EIF3L: variants seen among roughly 807,000 people sequenced by gnomAD.
EIF3L encodes eukaryotic translation initiation factor 3 subunit L.
EIF3L carries 32 observed loss-of-function variants against 74.6 expected under a neutral mutation model. That is an observed-to-expected ratio of 0.43 (90% CI 0.32 to 0.58). The LOEUF (loss-of-function observed/expected upper bound fraction) is 0.58, where lower values mean the gene tolerates loss of function less well. Ranked by LOEUF, EIF3L falls within the 20% of genes least tolerant of loss-of-function variation. The pLI is 0.06. For missense variants in EIF3L, 474 were observed against 707.8 expected, an observed-to-expected ratio of 0.67 and a Z score of 3.75; for synonymous variants, 256 against 254.4, an observed-to-expected ratio of 1.01 and a Z score of -0.06.
rs1601748411 is a variant in EIF3L at position 37,849,892 on chromosome 22, G to A, written c.34-123G>A. 3.9e-6 allele frequency: 4 copies of A among 1,034,018 alleles called. No homozygotes were observed. The East Asian group carries it at 9.5e-5, about 25-fold the overall frequency. The allele number at this position is 1,034,018 out of a possible 1,614,324, so 64.1% of individuals were successfully genotyped here. ...CTCTAAGGCGTGTGAGTTCCTCAAA[G>A]GCAGGCACAGTGTCTTATTCGCCTC... On this transcript the variant is annotated intron_variant, in intron 1 of 12. Transcript: ENST00000652021.
Position 37,888,747 on chromosome 22 carries a change from T to C in EIF3L, c.*283T>C. On this transcript the variant is annotated 3_prime_UTR_variant, in exon 13 of 13. Coordinates refer to ENST00000652021, the MANE Select transcript of EIF3L (RefSeq NM_016091.4). ...GTTAGTGTTTAAATTGAGTTATTTT[T>C]ATTTTGTGCTTTTGAGATGGAGTCT... The C allele has an allele frequency of 2.6e-6, 1 of 389,960 alleles. No homozygotes were observed. Among genetic ancestry groups the C allele is most frequent in the Non-Finnish European group, 4.6e-6 (1 of 216,998 alleles). The allele number at this position is 389,960 out of a possible 1,614,324, so 24.2% of individuals were successfully genotyped here.
chr22:37,879,138 T>C (rs1273009781), intron 11 of EIF3L: 2 of 152,066 alleles, frequency 1.3e-5, no homozygotes, highest in Non-Finnish European at 2.9e-5. Context: ...GAGACAGGGT[T>C]TTGCCATGTT....
chr22:37,866,988 T>C (rs1291641616), intron 7 of EIF3L, among the ~76,000 whole-genome samples: 2 of 152,204 alleles, frequency 1.3e-5, no homozygotes, highest in African/African-American at 4.8e-5. Context: ...CAATGGGCTG[T>C]ATCAAATTGT....
At chr22:37,850,113 T>C (rs1291317889) in intron 2 of EIF3L, 50 bp downstream of exon 2, 1 of 1,604,850 alleles carries the variant, frequency 6.2e-7, no homozygotes, top group Non-Finnish European at 8.5e-7. Flanking sequence ...TCAGTTCCTT[T>C]GGAATGTCTT....
At chr22:37,865,125 G>A (rs769048980) in intron 7 of EIF3L, among the ~76,000 whole-genome samples, 3 of 152,126 alleles carry the variant, frequency 2.0e-5, no homozygotes, top group Non-Finnish European at 4.4e-5. Context: ...TGGGGTCCAA[G>A]GCAGTAGGAT....
intron 8 of EIF3L, among the ~76,000 whole-genome samples, chr22:37,873,893 G>A (rs1926611256): frequency 6.6e-6 from 1 of 152,200 alleles, no homozygotes; most frequent in Non-Finnish European, 1.5e-5. Context: ...CAAATGCATG[G>A]CAAGAAGCAA....
At chr22:37,857,306 C>G (rs2145803461) in intron 4 of EIF3L, among the ~76,000 whole-genome samples, 1 of 128,338 alleles carries the variant, frequency 7.8e-6, no homozygotes, top group South Asian at 2.7e-4. Flanking sequence ...GGAGGCAGAA[C>G]TTGCAGTGAG....
At chr22:37,853,558 C>T (rs1243371885) in intron 3 of EIF3L, among the ~76,000 whole-genome samples, 1 of 152,158 alleles carries the variant, frequency 6.6e-6, no homozygotes, top group African/African-American at 2.4e-5. Flanking sequence ...TCACTTGAGC[C>T]TGGGAGGTTG....
At position 37,858,689 on chromosome 22, in the gene EIF3L, C is replaced by T. The variant is rs562553668; in HGVS notation, c.384C>T (p.Phe128=). The T allele has an allele frequency of 1.1e-5, 17 of 1,611,430 alleles. No homozygotes were observed. The South Asian group carries it at 1.9e-4, about 18-fold the overall frequency. ...TGCCATCTCTTTCAGATGCTGTCTTCCTGATTTTATACAAAGAATTATACT... is the reference window on the plus strand; with the variant it reads ...TGCCATCTCTTTCAGATGCTGTCTTTCTGATTTTATACAAAGAATTATACT... ...IAPQVGNDAV[F]LILYKELYYR... is the part of the protein sequence containing the mutation. The change falls in exon 5 of 13, where the codon TTC becomes TTT. Residue 128 remains phenylalanine, a synonymous_variant. Transcript: ENST00000652021.
chr22:37,869,666 G>A (rs1465568995), intron 7 of EIF3L, among the ~76,000 whole-genome samples: 4 of 152,100 alleles, frequency 2.6e-5, no homozygotes, highest in East Asian at 1.9e-4. Context: ...TTGGCCAGAC[G>A]ACTCTGGTTG....
At position 37,849,453 on chromosome 22, in the gene EIF3L, T is replaced by G; in HGVS notation, c.4T>G (p.Ser2Ala). The part of the protein sequence containing the change: M[S>A]YPADDYESEA... ...GGTGCTCGCAAGCGAGGCAGCCATG[T>G]CTTATCCCGCTGATGATTATGAGTC... The change falls in exon 1 of 13, where the codon TCT (serine) becomes GCT (alanine). Residue 2 changes from serine (S) to alanine (A), a missense_variant. Around this residue, in one of 4 missense-constraint regions of EIF3L, gnomAD observed 39 missense variants for 24.2 expected, o/e 1.61. Transcript: ENST00000652021. 3 of 1,613,188 alleles carry G rather than the reference T, an allele frequency of 1.9e-6. No homozygotes were observed. Among genetic ancestry groups the G allele is most frequent in the Non-Finnish European group, 2.5e-6 (3 of 1,179,514 alleles).
intron 4 of EIF3L, among the ~76,000 whole-genome samples, chr22:37,857,645 A>G (rs1353716469): frequency 6.6e-6 from 1 of 151,694 alleles, no homozygotes; most frequent in East Asian, 2.0e-4. Context: ...CCTGGGCTCA[A>G]GCAATTCTCC....
chr22:37,875,803 T>A lies in EIF3L; in HGVS notation c.907-38T>A, dbSNP rs1055377554. The stretch of plus-strand genomic sequence containing the variant: ...TACCTCTGGTTCTATCTAGGATGAA[T>A]TGGGACTCATGAATGTTTGTTCTAC... On this transcript the variant is annotated intron_variant, in intron 9 of 12. Coordinates refer to ENST00000652021, the MANE Select transcript of EIF3L (RefSeq NM_016091.4). 7 of 1,590,136 alleles carry A rather than the reference T, an allele frequency of 4.4e-6. No homozygotes were observed. In the Admixed American group the frequency reaches 6.7e-5, roughly 15 times the overall value.
intron 4 of EIF3L, chr22:37,858,422 T>G: frequency 4.5e-6 from 2 of 445,308 alleles, no homozygotes; most frequent in Non-Finnish European, 7.9e-6. Flanking sequence ...TTTTATGCAC[T>G]TGGATGGCAG....
intron 5 of EIF3L, among the ~76,000 whole-genome samples, chr22:37,860,746 C>G (rs1335253490): frequency 4.6e-5 from 7 of 152,194 alleles, no homozygotes; most frequent in Admixed American, 4.6e-4. Context: ...ATTATCATCT[C>G]TTCCCTGAAT....
chr22:37,884,736 C>T (rs1927229759), intron 11 of EIF3L: 1 of 152,058 alleles, frequency 6.6e-6, no homozygotes, highest in African/African-American at 2.4e-5. Flanking sequence ...GACGCTGAGG[C>T]AGGAGGATGG....
chr22:37,877,305 GTTGCACGGCACATTACTATTTAGTCTA>G (rs1926803808), intron 10 of EIF3L: 1 of 200,094 alleles, frequency 5.0e-6, no homozygotes, highest in East Asian at 1.2e-4. Flanking sequence ...CTGAAACGCT[GTTGCACGGCACATTACTATTTAGTCTA>G]TATTTCTGTC....
At chr22:37,872,757 C>T (rs572170552) in intron 8 of EIF3L, among the ~76,000 whole-genome samples, 5 of 151,466 alleles carry the variant, frequency 3.3e-5, no homozygotes, top group Middle Eastern at 3.5e-3. Flanking sequence ...TAGCTAGGAA[C>T]GCAGGTTTGC....
chr22:37,859,662 G>A (rs967312379), intron 5 of EIF3L, among the ~76,000 whole-genome samples: 2 of 151,434 alleles, frequency 1.3e-5, no homozygotes, highest in Non-Finnish European at 1.5e-5. Flanking sequence ...GATGACAGGC[G>A]TGAGCCACCA....
Sources: gnomAD v4.1 joint callset for allele counts (sites outside exome capture counted in the v4.1 genomes callset) on GRCh38, gnomAD v4.1.1 for gene constraint, gnomAD v4.1.1 regional missense constraint, MANE v1.5 for transcripts, NCBI Gene and HGNC (gene_info 2026-07-23, HGNC 2026-07-21) for gene names.